WIPF2: variants seen among roughly 807,000 people sequenced by gnomAD.
WIPF2 encodes WAS/WASL interacting protein family member 2, also known as WAS/WASL-interacting protein family member 2.
A neutral mutation model predicts 38.8 loss-of-function variants in WIPF2; 23 were observed. That is an observed-to-expected ratio of 0.59 (90% confidence interval 0.43 to 0.84). The LOEUF (loss-of-function observed/expected upper bound fraction) is 0.84. Ranked by LOEUF, WIPF2 falls within the 40% of genes least tolerant of loss-of-function variation. The pLI is 0.00. For synonymous variants in WIPF2, 210 were observed against 223.2 expected (o/e 0.94, Z 0.53); for missense variants, 574 against 580.5 (o/e 0.99, Z 0.11).
intron 7 of WIPF2, among the ~76,000 whole-genome samples, chr17:40,277,690 GAAAA>G (rs1173982541): frequency 7.6e-6 from 1 of 131,052 alleles, no homozygotes; most frequent in Non-Finnish European, 1.6e-5. Context: ...CAAAAAAAAA[GAAAA>G]AAAATTGCTT....
intron 1 of WIPF2, among the ~76,000 whole-genome samples, chr17:40,244,017 A>G (rs989872268): frequency 5.9e-5 from 9 of 152,178 alleles, no homozygotes; most frequent in African/African-American, 2.2e-4. Context: ...CAGAGGTTTG[A>G]CTGAATTGAA....
intron 1 of WIPF2, among the ~76,000 whole-genome samples, chr17:40,221,028 C>G (rs1266052510): frequency 2.0e-5 from 3 of 151,966 alleles, no homozygotes. Context: ...GTGATCCGCC[C>G]GCCTCTGCCT....
intron 1 of WIPF2, among the ~76,000 whole-genome samples, chr17:40,241,787 A>T (rs1260179062): frequency 6.6e-6 from 1 of 152,222 alleles, no homozygotes; most frequent in African/African-American, 2.4e-5. Flanking sequence ...TACAATCAAA[A>T]GGACACAATT....
intron 1 of WIPF2, among the ~76,000 whole-genome samples, chr17:40,226,801 G>A (rs1225422497): frequency 6.6e-6 from 1 of 151,988 alleles, no homozygotes; most frequent in African/African-American, 2.4e-5. Context: ...GAGTGCAATG[G>A]CACAATCTCG....
At chr17:40,272,330 A>G (rs890562616) in intron 5 of WIPF2, among the ~76,000 whole-genome samples, 3 of 151,986 alleles carry the variant, frequency 2.0e-5, no homozygotes, top group African/African-American at 7.3e-5. Flanking sequence ...AGGTATGAAT[A>G]TTTTCATTGG....
intron 1 of WIPF2, among the ~76,000 whole-genome samples, chr17:40,222,400 A>G (rs953018411): frequency 1.2e-4 from 18 of 151,218 alleles, no homozygotes; most frequent in Non-Finnish European, 1.8e-4. Context: ...GCTCATGCCT[A>G]TAATCCCAAC....
At chr17:40,227,970 A>G (rs898693500) in intron 1 of WIPF2, among the ~76,000 whole-genome samples, 2 of 149,208 alleles carry the variant, frequency 1.3e-5, no homozygotes, top group African/African-American at 5.0e-5. Context: ...CACACTGTTA[A>G]TACTATCTGT....
At chr17:40,267,265 C>CT (rs1389327445) in intron 5 of WIPF2, among the ~76,000 whole-genome samples, 1 of 151,992 alleles carries the variant, frequency 6.6e-6, no homozygotes, top group Admixed American at 6.6e-5. Context: ...ATGTGCGACT[C>CT]TAAGGGAGAG....
chr17:40,265,109 A>G lies in WIPF2; in HGVS notation c.933A>G (p.Pro311=). ...SASPSLLSNR[P]PPPARDPPSR... is the part of the protein sequence containing the mutation. ...CCCCATCTTTACTGAGTAATAGGCC[A>G]CCTCCCCCAGCCCGAGACCCTCCCA... The change falls in exon 5 of 8, where the codon CCA becomes CCG. Residue 311 remains proline (P), a synonymous_variant. Coordinates refer to ENST00000323571, the MANE Select transcript of WIPF2 (RefSeq NM_133264.5). 6.2e-7 allele frequency: 1 copy of G among 1,612,432 alleles called. No homozygotes were observed. Among genetic ancestry groups the G allele is most frequent in the African/African-American group, 1.3e-5 (1 of 74,880 alleles).
chr17:40,223,116 A>G (rs2030322934), intron 1 of WIPF2, among the ~76,000 whole-genome samples: 1 of 151,996 alleles, frequency 6.6e-6, no homozygotes, highest in Non-Finnish European at 1.5e-5. Flanking sequence ...GATGAAGACT[A>G]GTAGAATGTA....
intron 1 of WIPF2, among the ~76,000 whole-genome samples, chr17:40,239,036 GTTTAT>G (rs1051233082): frequency 1.4e-5 from 2 of 144,720 alleles, no homozygotes; most frequent in African/African-American, 2.6e-5. Flanking sequence ...TCTGGCTTCT[GTTTAT>G]TTTATTTTAT....
At chr17:40,271,093 C>T (rs1435931388) in intron 5 of WIPF2, among the ~76,000 whole-genome samples, 2 of 152,142 alleles carry the variant, frequency 1.3e-5, no homozygotes, top group Non-Finnish European at 2.9e-5. Flanking sequence ...ACCTCAGGCT[C>T]CAGAATATCT....
Position 40,219,385 on chromosome 17 carries a change from G to A in WIPF2, c.-177G>A, listed in dbSNP as rs1162233800. Reference sequence around the variant, plus strand: ...AGGGGCGGTGGCGGCGGCGGCGGCGGCGGCGGCGGCGGCGACGGCGAGAAA... The same window carrying A: ...AGGGGCGGTGGCGGCGGCGGCGGCGACGGCGGCGGCGGCGACGGCGAGAAA... On this transcript the variant is annotated 5_prime_UTR_variant, in exon 1 of 8. Transcript: ENST00000323571. 2.4e-6 allele frequency: 1 copy of A among 416,488 alleles called. No individual in the cohort carries two copies. Among genetic ancestry groups the A allele is most frequent in the Non-Finnish European group, 4.5e-6 (1 of 220,296 alleles). 25.8% of individuals were successfully genotyped at this position (416,488 alleles called of 1,614,324 possible).
intron 5 of WIPF2, among the ~76,000 whole-genome samples, chr17:40,268,369 G>GCC (rs2032152660): frequency 6.6e-6 from 1 of 152,096 alleles, no homozygotes; most frequent in Admixed American, 6.6e-5. Flanking sequence ...TAAAGTTCAG[G>GCC]TTTGACTTTT....
intron 2 of WIPF2, among the ~76,000 whole-genome samples, chr17:40,259,271 G>A (rs1206091712): frequency 6.6e-6 from 1 of 151,430 alleles, no homozygotes; most frequent in African/African-American, 2.4e-5. Context: ...TAAGCTGAGG[G>A]TTTAGATTTT....
Position 40,220,969 on chromosome 17 carries a change from G to A in WIPF2, c.-70+1477G>A, listed in dbSNP as rs559382258. Among the ~76,000 whole-genome samples, 155 of 151,668 alleles carry A rather than the reference G, an allele frequency of 1.0e-3. 1 individual carries two copies. The highest frequency in any genetic ancestry group is 1.8e-3 in the Non-Finnish European group (123 of 67,888). On this transcript the variant is annotated intron_variant, in intron 1 of 7. Coordinates refer to ENST00000323571, the MANE Select transcript of WIPF2 (RefSeq NM_133264.5). Reference sequence around the variant, plus strand: ...TTTTTTTTGAATTTTTAGTAGAGACGGGGTTTCACTGTGTTAGCCAGGATG... The same window carrying A: ...TTTTTTTTGAATTTTTAGTAGAGACAGGGTTTCACTGTGTTAGCCAGGATG...
intron 1 of WIPF2, among the ~76,000 whole-genome samples, chr17:40,248,893 A>G (rs1458323982): frequency 1.3e-5 from 2 of 152,212 alleles, no homozygotes; most frequent in South Asian, 2.1e-4. Flanking sequence ...AGAAATAAAG[A>G]TGATTTTCTT....
chr17:40,268,216 C>G (rs944325138), intron 5 of WIPF2, among the ~76,000 whole-genome samples: 7 of 152,196 alleles, frequency 4.6e-5, no homozygotes, highest in African/African-American at 1.7e-4. Flanking sequence ...TGTGCAGCTT[C>G]TTTGTTCAGT....
At chr17:40,224,682 C>G (rs1321747551) in intron 1 of WIPF2, among the ~76,000 whole-genome samples, 2 of 151,690 alleles carry the variant, frequency 1.3e-5, no homozygotes, top group Non-Finnish European at 2.9e-5. Context: ...TGGTGGACAT[C>G]TTGTCTGTGT....
Sources: gnomAD v4.1 joint callset for allele counts (sites outside exome capture counted in the v4.1 genomes callset) on GRCh38, gnomAD v4.1.1 for gene constraint, MANE v1.5 for transcripts, NCBI Gene and HGNC (gene_info 2026-07-23, HGNC 2026-07-21) for gene names.